OSBPL3: variants seen among roughly 807,000 people sequenced by gnomAD.
OSBPL3 encodes the protein oxysterol binding protein like 3.
A neutral mutation model predicts 120.1 loss-of-function variants in OSBPL3; 65 were observed. The observed-to-expected ratio is 0.54, with a 90% confidence interval of 0.44 to 0.67. OSBPL3 has a LOEUF of 0.67. Among genes scored for constraint, OSBPL3 ranks in the 30% least tolerant of loss-of-function variants. The probability of loss-of-function intolerance (pLI) is 0.00; values close to 1 mark genes in which losing one functional copy is unlikely to be tolerated. For missense variants in OSBPL3, 1,004 were observed against 1,082.1 expected, an observed-to-expected ratio of 0.93 and a Z score of 1.01; for synonymous variants, 416 against 402.6, an observed-to-expected ratio of 1.03 and a Z score of -0.40.
intron 14 of OSBPL3, among the ~76,000 whole-genome samples, chr7:24,839,220 A>C (rs958768139): frequency 6.6e-6 from 1 of 152,220 alleles, no homozygotes; most frequent in Admixed American, 6.5e-5. Context: ...TAGTGCAGAC[A>C]AACCTAGAGA....
Position 24,968,716 on chromosome 7 carries a change from A to G in OSBPL3, c.-150+11170T>C, listed in dbSNP as rs1222689587. 6.6e-6 allele frequency among the ~76,000 whole-genome samples: 1 copy of G among 152,214 alleles called. No individual in the cohort carries two copies. The highest frequency in any genetic ancestry group is 1.9e-4 in the East Asian group (1 of 5,202). ...CAGCCTCAGCCCACCAATTTTATCC[A>G]TGTGTGCATATATGCATGAATATAT... On this transcript the variant is annotated intron_variant, in intron 1 of 22. Transcript: ENST00000313367. The surrounding 1 kb of genome is among the most constrained non-coding windows in gnomAD (Gnocchi z 4.6).
intron 1 of OSBPL3, among the ~76,000 whole-genome samples, chr7:24,905,181 G>A (rs755340008): frequency 1.4e-5 from 2 of 145,806 alleles, no homozygotes; most frequent in Admixed American, 6.8e-5. Flanking sequence ...ACAAAGCATC[G>A]GGGGTCAAGA....
rs1314048232 is a variant in OSBPL3 at position 24,797,232 on chromosome 7, CCAAA to C, written c.*2947_*2950del. ...GCAGATGGAAGACAGTGCTTGAAGC[CCAAA>C]CAAATGATTTACTACAAGTAATTAA... On this transcript the variant is annotated 3_prime_UTR_variant, in exon 23 of 23. Coordinates refer to ENST00000313367, the MANE Select transcript of OSBPL3 (RefSeq NM_015550.4). The surrounding 1 kb of genome is among the most constrained non-coding windows in gnomAD (Gnocchi z 4.8). 1 of 152,040 alleles carries C rather than the reference CCAAA, an allele frequency of 6.6e-6. No individual in the cohort carries two copies. Among genetic ancestry groups the C allele is most frequent in the Non-Finnish European group, 1.5e-5 (1 of 68,026 alleles). 9.4% of individuals were successfully genotyped at this position (152,040 alleles called of 1,614,324 possible).
chr7:24,825,484 AAAAAAC>A (rs1474294064), intron 16 of OSBPL3, among the ~76,000 whole-genome samples: 2 of 152,236 alleles, frequency 1.3e-5, no homozygotes, highest in Non-Finnish European at 2.9e-5. Flanking sequence ...GCAAAAAATT[AAAAAAC>A]AAAAACACAT....
rs1806633804 is a variant in OSBPL3, at chr7:24,899,274, G to A, written c.-149-6653C>T. 6.6e-6 allele frequency among the ~76,000 whole-genome samples: 1 copy of A among 152,122 alleles called. No individual in the cohort carries two copies. Among genetic ancestry groups the A allele is most frequent in the Non-Finnish European group, 1.5e-5 (1 of 68,020 alleles). ...AAGAGAAGGCAATGACAATCTTCCT[G>A]GCCTCAACCACACTGCAACTGTTAA... On this transcript the variant is annotated intron_variant, in intron 1 of 22. Coordinates refer to ENST00000313367, the MANE Select transcript of OSBPL3 (RefSeq NM_015550.4). This position sits in a 1 kb window ranked among gnomAD's most constrained non-coding sequence, Gnocchi z 4.0.
rs2128528714 is a variant in OSBPL3, at chr7:24,967,456, A to C, written c.-150+12430T>G. Among the ~76,000 whole-genome samples the C allele has an allele frequency of 1.3e-5, 2 of 152,262 alleles. No homozygotes were observed. Among genetic ancestry groups the C allele is most frequent in the South Asian group, 4.2e-4 (2 of 4,818 alleles). ...GTCCTGCTCTATTAACACCCTTCCC[A>C]TGAGATCTCTCCTGGTTTATTCTTT... is the stretch of plus-strand genomic sequence containing the variant. On this transcript the variant is annotated intron_variant, in intron 1 of 22. Transcript: ENST00000313367. The surrounding 1 kb of genome is among the most constrained non-coding windows in gnomAD (Gnocchi z 5.6).
In OSBPL3 at chr7:24,806,746, TG is replaced by T. The variant is rs753554483; in HGVS notation, c.2444+29del. 1 of 1,609,682 alleles carries T rather than the reference TG, an allele frequency of 6.2e-7. No homozygotes were observed. Among genetic ancestry groups the T allele is most frequent in the South Asian group, 1.1e-5 (1 of 90,348 alleles). ...CTTTTTGTAAAGGGTTTTACATCTC[TG>T]GAGAGAAAAATCTTTAAAAAATCCT... On this transcript the variant is annotated intron_variant, in intron 21 of 22. Coordinates refer to ENST00000313367, the MANE Select transcript of OSBPL3 (RefSeq NM_015550.4). This position sits in a 1 kb window ranked among gnomAD's most constrained non-coding sequence, Gnocchi z 5.2.
At position 24,806,954 on chromosome 7, in the gene OSBPL3, A is replaced by G; in HGVS notation, c.2318-52T>C. 1 of 1,495,438 alleles carries G rather than the reference A, an allele frequency of 6.7e-7. No homozygotes were observed. Among genetic ancestry groups the G allele is most frequent in the East Asian group, 2.4e-5 (1 of 41,866 alleles). The allele number at this position is 1,495,438 out of a possible 1,614,324, so 92.6% of individuals were successfully genotyped here. A position where few individuals can be genotyped will look rare whatever the true frequency, so the allele number is the denominator to read the frequency against. ...CTAACTTGCATGTTACTTATGTTAC[A>G]TTTTAATTCCTTCACCTTTTTCGTC... On this transcript the variant is annotated intron_variant, in intron 20 of 22. Transcript: ENST00000313367. This position sits in a 1 kb window ranked among gnomAD's most constrained non-coding sequence, Gnocchi z 5.2.
In OSBPL3 at chr7:24,862,377, C is replaced by A. The variant is rs1002254054; in HGVS notation, c.871-608G>T. ...GCTGCCAGGCTTTCTCATTTATACTCAATTCCTTCCTCCTGGCAATAATCA... is the reference window on the plus strand; with the variant it reads ...GCTGCCAGGCTTTCTCATTTATACTAAATTCCTTCCTCCTGGCAATAATCA... On this transcript the variant is annotated intron_variant, in intron 9 of 22. Transcript: ENST00000313367. This position sits in a 1 kb window ranked among gnomAD's most constrained non-coding sequence, Gnocchi z 4.4. Among the ~76,000 whole-genome samples, 8 of 152,320 alleles carry A rather than the reference C, an allele frequency of 5.3e-5. No individual in the cohort carries two copies. The highest frequency in any genetic ancestry group is 1.7e-4 in the African/African-American group (7 of 41,566).
At chr7:24,897,833 G>A (rs1038230828) in intron 1 of OSBPL3, among the ~76,000 whole-genome samples, 1 of 152,166 alleles carries the variant, frequency 6.6e-6, no homozygotes, top group African/African-American at 2.4e-5. Flanking sequence ...GCAAAAAGTG[G>A]CATATAACAC....
At chr7:24,941,647 C>G (rs1464058502) in intron 1 of OSBPL3, among the ~76,000 whole-genome samples, 1 of 152,170 alleles carries the variant, frequency 6.6e-6, no homozygotes, top group African/African-American at 2.4e-5. Context: ...TGACAGTATT[C>G]CCACCACTAA....
At chr7:24,979,591 G>A (rs1317936870) in intron 1 of OSBPL3, among the ~76,000 whole-genome samples, 1 of 152,302 alleles carries the variant, frequency 6.6e-6, no homozygotes, top group East Asian at 1.9e-4. Context: ...TCCCGCACCT[G>A]CGCCGCGGCC....
At chr7:24,909,513 T>C (rs1431873884) in intron 1 of OSBPL3, among the ~76,000 whole-genome samples, 1 of 152,192 alleles carries the variant, frequency 6.6e-6, no homozygotes, top group Non-Finnish European at 1.5e-5. Context: ...TCTGAACAGT[T>C]ACATGAGAGA....
intron 1 of OSBPL3, among the ~76,000 whole-genome samples, chr7:24,904,563 C>T (rs1408180627): frequency 6.6e-6 from 1 of 152,024 alleles, no homozygotes; most frequent in Non-Finnish European, 1.5e-5. Context: ...GAATACTTTG[C>T]CATTTTATAT....
chr7:24,806,368 A>G lies in OSBPL3; in HGVS notation c.2444+408T>C, dbSNP rs764438959. Among the ~76,000 whole-genome samples, 3 of 152,212 alleles carry G rather than the reference A, an allele frequency of 2.0e-5. No homozygotes were observed. Among genetic ancestry groups the G allele is most frequent in the Non-Finnish European group, 4.4e-5 (3 of 68,044 alleles). ...AACTGAGGCCAGGAAAGATGAAAAG[A>G]CCTACCATATATCACACACCTTGTG... is the stretch of plus-strand genomic sequence containing the variant. On this transcript the variant is annotated intron_variant, in intron 21 of 22. Transcript: ENST00000313367. This position sits in a 1 kb window ranked among gnomAD's most constrained non-coding sequence, Gnocchi z 5.2.
Position 24,927,945 on chromosome 7 carries a change from G to GGT in OSBPL3, c.-149-35326_-149-35325dup, listed in dbSNP as rs200845136. Among the ~76,000 whole-genome samples the GGT allele has an allele frequency of 7.9e-3, 1,196 of 152,230 alleles. 30 individuals are homozygous for GGT. The highest frequency in any genetic ancestry group is 0.057 in the East Asian group (294 of 5,172). ...ATCTCCAGTGTTGGAGGTAGGGCCT[G>GGT]GTGGGAGGTGATTGGATCATGGAGA... On this transcript the variant is annotated intron_variant, in intron 1 of 22. Coordinates refer to ENST00000313367, the MANE Select transcript of OSBPL3 (RefSeq NM_015550.4).
chr7:24,970,510 A>C (rs1480971353), intron 1 of OSBPL3, among the ~76,000 whole-genome samples: 1 of 152,166 alleles, frequency 6.6e-6, no homozygotes, highest in African/African-American at 2.4e-5. Context: ...GAGCTCCTAT[A>C]GCACTTTAAT....
chr7:24,924,244 T>G (rs1467911474), intron 1 of OSBPL3, among the ~76,000 whole-genome samples: 3 of 152,134 alleles, frequency 2.0e-5, no homozygotes, highest in African/African-American at 7.2e-5. Context: ...TGTAAAAATG[T>G]ACACTGAAAA....
rs978835989 is a variant in OSBPL3 at position 24,806,897 on chromosome 7, T to C, written c.2323A>G (p.Met775Val). 18 of 1,609,118 alleles carry C rather than the reference T, an allele frequency of 1.1e-5. No homozygotes were observed. Among genetic ancestry groups the C allele is most frequent in the Non-Finnish European group, 1.4e-5 (16 of 1,177,750 alleles). Residue 775 changes from methionine to valine, a missense_variant, in exon 21 of 23, where the codon ATG (methionine) becomes GTG (valine). Transcript: ENST00000313367. The surrounding 1 kb of genome is among the most constrained non-coding windows in gnomAD (Gnocchi z 5.2). The part of the protein sequence containing the change: ...SSACVWRANP[M>V]PKGYEQYYSF... ...TAGTATTGCTCGTAGCCTTTCGGCATAGGATCTAAGAAGAAAATAAATCAT... is the reference window on the plus strand; with the variant it reads ...TAGTATTGCTCGTAGCCTTTCGGCACAGGATCTAAGAAGAAAATAAATCAT...
Sources: gnomAD v4.1 joint callset for allele counts (sites outside exome capture counted in the v4.1 genomes callset) on GRCh38, gnomAD v4.1.1 for gene constraint, Gnocchi (gnomAD v3.1) non-coding constraint, MANE v1.5 for transcripts, NCBI Gene and HGNC (gene_info 2026-07-23, HGNC 2026-07-21) for gene names.